The following PVT1 variants were observed in gnomAD, a reference collection of about 807,000 sequenced individuals.
PVT1 encodes the protein Pvt1 oncogene.
At chr8:128,036,262 A>G (rs1455141766) in intron 4 of PVT1, among the ~76,000 whole-genome samples, 1 of 152,214 alleles carries the variant, frequency 6.6e-6, no homozygotes, top group Non-Finnish European at 1.5e-5. Flanking sequence ...AATAAGGGTA[A>G]TAGTGATTTC....
At chr8:127,840,038 C>T (rs964482632) in intron 2 of PVT1, among the ~76,000 whole-genome samples, 5 of 152,082 alleles carry the variant, frequency 3.3e-5, no homozygotes, top group Non-Finnish European at 4.4e-5. Context: ...TGGATTGAGT[C>T]GGGAGGGAGG....
At chr8:127,923,209 T>C (rs776149562) in intron 3 of PVT1, among the ~76,000 whole-genome samples, 3 of 152,218 alleles carry the variant, frequency 2.0e-5, no homozygotes, top group Non-Finnish European at 4.4e-5. Flanking sequence ...GGAGTCACCG[T>C]TGAGTTCATC....
At chr8:128,090,892 G>A (rs1563684752) in intron 5 of PVT1, among the ~76,000 whole-genome samples, 2 of 152,114 alleles carry the variant, frequency 1.3e-5, no homozygotes, top group Admixed American at 6.5e-5. Flanking sequence ...CCTTCCTGCG[G>A]CATGGAGGTC....
At chr8:127,949,421 G>GTGTGTGTGTT (rs1480368315) in intron 3 of PVT1, among the ~76,000 whole-genome samples, 1 of 149,320 alleles carries the variant, frequency 6.7e-6, no homozygotes, top group African/African-American at 2.5e-5. Context: ...GTGTGTGTGT[G>GTGTGTGTGTT]TGTATCTGTC....
chr8:127,838,002 A>AT (rs1389464805), intron 2 of PVT1, among the ~76,000 whole-genome samples: 1 of 150,584 alleles, frequency 6.6e-6, no homozygotes, highest in Non-Finnish European at 1.5e-5. Flanking sequence ...GGTTCAAGTG[A>AT]TTCTCCTGCC....
intron 4 of PVT1, among the ~76,000 whole-genome samples, chr8:128,065,366 A>G (rs1012197378): frequency 6.6e-6 from 1 of 151,930 alleles, no homozygotes; most frequent in Non-Finnish European, 1.5e-5. Context: ...TAATTTTTGT[A>G]TCATTGACAG....
intron 3 of PVT1, among the ~76,000 whole-genome samples, chr8:127,912,346 T>C (rs183604902): frequency 1.3e-5 from 2 of 152,344 alleles, no homozygotes; most frequent in Non-Finnish European, 2.9e-5. Flanking sequence ...ATAAGTACTA[T>C]GTTTACACAC....
At chr8:127,997,341 G>A (rs1276655926) in intron 4 of PVT1, among the ~76,000 whole-genome samples, 6 of 151,976 alleles carry the variant, frequency 3.9e-5, no homozygotes, top group Non-Finnish European at 8.8e-5. Flanking sequence ...GAGCCTGGCC[G>A]CTTCCGGTCT....
chr8:127,927,505 A>G (rs1188912011), intron 3 of PVT1, among the ~76,000 whole-genome samples: 2 of 152,202 alleles, frequency 1.3e-5, no homozygotes, highest in East Asian at 1.9e-4. Flanking sequence ...GATGCCTCTT[A>G]GGGGGATGAG....
chr8:127,834,820 A>G lies in PVT1; in HGVS notation n.372+38749A>G, dbSNP rs1814892095. Among the ~76,000 whole-genome samples, 3 of 152,222 alleles carry G rather than the reference A, an allele frequency of 2.0e-5. No homozygotes were observed. In the South Asian group the frequency reaches 6.2e-4, roughly 32 times the overall value. On this transcript the variant is annotated intron_variant and non_coding_transcript_variant, in intron 2 of 10. Transcript: ENST00000651587. ...AAGAAGACATTTATATGGCCAACAA[A>G]CAAATGAAAAACAGAAAACAAAAAA...
At chr8:127,816,911 G>A (rs142361582) in intron 2 of PVT1, among the ~76,000 whole-genome samples, 50 of 152,294 alleles carry the variant, frequency 3.3e-4, no homozygotes, top group African/African-American at 1.2e-3. Context: ...GCCTGCTGCT[G>A]TAGCTTATTT....
At chr8:128,035,842 G>T (rs1813455489) in intron 4 of PVT1, among the ~76,000 whole-genome samples, 1 of 152,196 alleles carries the variant, frequency 6.6e-6, no homozygotes, top group South Asian at 2.1e-4. Context: ...GCCAAGAAAT[G>T]CTGGCAGCCT....
At chr8:127,812,320 G>A (rs1814607339) in intron 2 of PVT1, among the ~76,000 whole-genome samples, 1 of 147,918 alleles carries the variant, frequency 6.8e-6, no homozygotes, top group African/African-American at 2.6e-5. Flanking sequence ...GGTAGCTCTT[G>A]CCTGTTGTAG....
At chr8:127,916,917 T>C (rs900238890) in intron 3 of PVT1, among the ~76,000 whole-genome samples, 3 of 152,226 alleles carry the variant, frequency 2.0e-5, no homozygotes, top group Non-Finnish European at 4.4e-5. Flanking sequence ...GTTTCGGTTC[T>C]GATAGCAGGA....
At chr8:127,895,614 TAAAA>T (rs1341864852) in intron 3 of PVT1, among the ~76,000 whole-genome samples, 1 of 151,954 alleles carries the variant, frequency 6.6e-6, no homozygotes, top group Admixed American at 6.5e-5. Flanking sequence ...TTTTTTTAAA[TAAAA>T]TTTTAAAATG....
At chr8:128,081,740 A>G (rs561556089) in intron 5 of PVT1, among the ~76,000 whole-genome samples, 4 of 152,310 alleles carry the variant, frequency 2.6e-5, no homozygotes, top group African/African-American at 4.8e-5. Context: ...CTGAATACCA[A>G]TAATGGAAAA....
chr8:127,874,599 C>A (rs945586657), intron 2 of PVT1, among the ~76,000 whole-genome samples: 2 of 152,120 alleles, frequency 1.3e-5, no homozygotes, highest in African/African-American at 4.8e-5. Context: ...GAGTCTGAGC[C>A]ACACTCAAAT....
At chr8:127,800,965 A>G (rs185039478) in intron 2 of PVT1, among the ~76,000 whole-genome samples, 2 of 152,312 alleles carry the variant, frequency 1.3e-5, no homozygotes, top group Admixed American at 1.3e-4. Context: ...GAGTCAGGGC[A>G]GGCTCCATGG....
intron 2 of PVT1, among the ~76,000 whole-genome samples, chr8:127,847,638 A>G (rs566952239): frequency 6.6e-6 from 1 of 152,370 alleles, no homozygotes; most frequent in African/African-American, 2.4e-5. Flanking sequence ...AGATGCGGAA[A>G]GGAATAAGGA....
Sources: gnomAD v4.1 joint callset for allele counts (sites outside exome capture counted in the v4.1 genomes callset) on GRCh38, gnomAD v4.1.1 for gene constraint, MANE v1.5 for transcripts, NCBI Gene and HGNC (gene_info 2026-07-23, HGNC 2026-07-21) for gene names.